Variants in GALNTL6 observed in about 807,000 individuals in gnomAD.
GALNTL6 encodes polypeptide N-acetylgalactosaminyltransferase-like 6.
GALNTL6 carries 46 observed loss-of-function variants against 73.7 expected under a neutral mutation model. That is an observed-to-expected ratio of 0.62 (90% CI 0.49 to 0.80). The LOEUF (loss-of-function observed/expected upper bound fraction) is 0.80, where lower values mean the gene tolerates loss of function less well. GALNTL6 is among the 30% of genes least tolerant of loss of function. The pLI is 0.00. For missense variants in GALNTL6, 604 were observed against 755.0 expected (o/e 0.80, Z 2.34); for synonymous variants, 259 against 263.7 (o/e 0.98, Z 0.17).
chr4:172,131,406 AAT>A lies in GALNTL6; in HGVS notation c.139-98228_139-98227del, dbSNP rs772791571. Among the ~76,000 whole-genome samples, 803 of 137,574 alleles carry A rather than the reference AAT, an allele frequency of 5.8e-3. 12 individuals carry two copies. Among genetic ancestry groups the A allele is most frequent in the African/African-American group, 0.02 (702 of 35,790 alleles). The allele number at this position is 137,574 out of a possible 152,430, so 90.3% of individuals were successfully genotyped here. On this transcript the variant is annotated intron_variant, in intron 2 of 12. Transcript: ENST00000506823. ...CTTCCATGTTTCACCATGCCTTTAA[AAT>A]ATATATATATATATATATATACACA...
chr4:171,972,848 C>T (rs1739610813), intron 2 of GALNTL6, among the ~76,000 whole-genome samples: 2 of 151,930 alleles, frequency 1.3e-5, no homozygotes. Flanking sequence ...TCTGTTTTGG[C>T]AAAGTAATGT....
chr4:172,137,324 TAC>T (rs1733665032), intron 2 of GALNTL6, among the ~76,000 whole-genome samples: 1 of 152,190 alleles, frequency 6.6e-6, no homozygotes, highest in African/African-American at 2.4e-5. Flanking sequence ...AAGCTATATA[TAC>T]ACTTTACACT....
intron 2 of GALNTL6, among the ~76,000 whole-genome samples, chr4:172,173,916 C>T (rs1163498018): frequency 6.6e-6 from 1 of 151,978 alleles, no homozygotes; most frequent in Non-Finnish European, 1.5e-5. Flanking sequence ...GGGGTGCAGA[C>T]TGTGGTGGAG....
At chr4:173,009,719 A>G (rs1752460444) in intron 11 of GALNTL6, among the ~76,000 whole-genome samples, 1 of 152,200 alleles carries the variant, frequency 6.6e-6, no homozygotes, top group Admixed American at 6.5e-5. Flanking sequence ...CCTGACCATG[A>G]ACAGATCACT....
intron 2 of GALNTL6, among the ~76,000 whole-genome samples, chr4:171,862,620 T>C (rs1050963742): frequency 2.0e-5 from 3 of 152,102 alleles, no homozygotes; most frequent in Non-Finnish European, 1.5e-5. Flanking sequence ...AAATGACTTA[T>C]GGTATTGAAA....
intron 2 of GALNTL6, among the ~76,000 whole-genome samples, chr4:172,184,603 A>G (rs1735359755): frequency 6.6e-6 from 1 of 152,182 alleles, no homozygotes; most frequent in South Asian, 2.1e-4. Flanking sequence ...ATCTACTTAT[A>G]CAAGACATGA....
intron 2 of GALNTL6, among the ~76,000 whole-genome samples, chr4:172,056,149 G>A (rs1452389006): frequency 2.6e-5 from 4 of 151,938 alleles, no homozygotes; most frequent in African/African-American, 4.8e-5. Context: ...GACACTTAAC[G>A]AAAAAAATGC....
At position 171,833,311 on chromosome 4, in the gene GALNTL6, A is replaced by T. The variant is rs763897565; in HGVS notation, c.138+18593A>T. ...AATATTATTGCTGACAACAAATGGT[A>T]TCTGTGAATGCATTCTTGGTTTTTA... On this transcript the variant is annotated intron_variant, in intron 2 of 12. Coordinates refer to ENST00000506823, the MANE Select transcript of GALNTL6 (RefSeq NM_001034845.3). 3.5e-4 allele frequency among the ~76,000 whole-genome samples: 53 copies of T among 151,680 alleles called. 1 individual carries two copies. The highest frequency in any genetic ancestry group is 5.6e-4 in the Non-Finnish European group (38 of 67,734).
chr4:172,362,172 T>A (rs1365464965), intron 5 of GALNTL6, among the ~76,000 whole-genome samples: 3 of 152,116 alleles, frequency 2.0e-5, no homozygotes, highest in Non-Finnish European at 4.4e-5. Flanking sequence ...CTTTTATACC[T>A]TTACAAAGAG....
chr4:172,839,180 G>A (rs1743070918), intron 7 of GALNTL6, among the ~76,000 whole-genome samples: 1 of 152,230 alleles, frequency 6.6e-6, no homozygotes, highest in South Asian at 2.1e-4. Context: ...GGGGCCCCAA[G>A]GTTGCAGGTC....
intron 2 of GALNTL6, among the ~76,000 whole-genome samples, chr4:172,152,593 G>A (rs531926686): frequency 7.2e-5 from 11 of 152,282 alleles, no homozygotes; most frequent in Non-Finnish European, 1.5e-4. Flanking sequence ...TAGCTCAGAA[G>A]TTTCAGAAAT....
At chr4:171,846,621 A>T (rs1245027321) in intron 2 of GALNTL6, among the ~76,000 whole-genome samples, 3 of 151,670 alleles carry the variant, frequency 2.0e-5, no homozygotes, top group African/African-American at 7.3e-5. Context: ...CCAATACTAG[A>T]TGTATTTAGG....
intron 3 of GALNTL6, among the ~76,000 whole-genome samples, chr4:172,247,055 A>G (rs1451996623): frequency 1.3e-5 from 2 of 152,074 alleles, no homozygotes; most frequent in African/African-American, 2.4e-5. Context: ...AGACCATATC[A>G]ACAGTGATGA....
intron 10 of GALNTL6, among the ~76,000 whole-genome samples, chr4:172,955,244 G>C (rs548541260): frequency 4.7e-4 from 71 of 152,280 alleles, no homozygotes; most frequent in Non-Finnish European, 5.4e-4. Context: ...TTGGGAGGCA[G>C]AGGTGGGTGG....
chr4:172,604,922 C>G (rs1462151821), intron 5 of GALNTL6, among the ~76,000 whole-genome samples: 1 of 152,144 alleles, frequency 6.6e-6, no homozygotes, highest in East Asian at 1.9e-4. Flanking sequence ...TGAAGGGCTC[C>G]CAGTGTGACC....
At chr4:172,446,328 G>T (rs994828614) in intron 5 of GALNTL6, among the ~76,000 whole-genome samples, 2 of 152,222 alleles carry the variant, frequency 1.3e-5, no homozygotes, top group Middle Eastern at 3.4e-3. Context: ...AGAAATCTGT[G>T]CTCCTTATGA....
chr4:172,380,548 C>T, intron 5 of GALNTL6: 1 of 341,974 alleles, frequency 2.9e-6, no homozygotes, highest in South Asian at 3.0e-5. Flanking sequence ...TCCTTGTTTT[C>T]AATGTACAAA....
chr4:172,660,642 G>T (rs1390562391), intron 5 of GALNTL6, among the ~76,000 whole-genome samples: 1 of 152,174 alleles, frequency 6.6e-6, no homozygotes, highest in Non-Finnish European at 1.5e-5. Flanking sequence ...GTCTTTCAAA[G>T]TCATGTGAAG....
chr4:172,669,633 C>T (rs2111200813), intron 5 of GALNTL6, among the ~76,000 whole-genome samples: 2 of 152,286 alleles, frequency 1.3e-5, no homozygotes, highest in Admixed American at 1.3e-4. Context: ...AATGTCTACT[C>T]AAGCCATCTG....
Sources: gnomAD v4.1 joint callset for allele counts (sites outside exome capture counted in the v4.1 genomes callset) on GRCh38, gnomAD v4.1.1 for gene constraint, MANE v1.5 for transcripts, NCBI Gene and HGNC (gene_info 2026-07-23, HGNC 2026-07-21) for gene names.